The following IDE variants were observed in gnomAD, a reference collection of about 807,000 sequenced individuals.
IDE encodes the protein insulin-degrading enzyme.
In IDE, 58 loss-of-function variants were observed where a neutral mutation model predicts 133.2. The observed-to-expected ratio is 0.44, with a 90% confidence interval of 0.35 to 0.54. IDE has a LOEUF of 0.54. IDE is among the 20% of genes least tolerant of loss of function. The pLI is 0.00. For missense variants in IDE, 981 were observed against 1,234.0 expected (o/e 0.79, Z 3.07); for synonymous variants, 396 against 421.3 (o/e 0.94, Z 0.73).
At chr10:92,468,368 C>G (rs1253426122) in intron 19 of IDE, among the ~76,000 whole-genome samples, 1 of 152,080 alleles carries the variant, frequency 6.6e-6, no homozygotes, top group African/African-American at 2.4e-5. Flanking sequence ...TCAGAAGAAG[C>G]CACTGTTAAT....
Position 92,464,248 on chromosome 10 carries a change from T to G in IDE, c.2489-245A>C, listed in dbSNP as rs1459852080. Among the ~76,000 whole-genome samples, 826 of 152,330 alleles carry G rather than the reference T, an allele frequency of 5.4e-3. 14 individuals carry two copies. Among genetic ancestry groups the G allele is most frequent in the East Asian group, 0.035 (182 of 5,190 alleles). ...TTCTTAGGAAAAAAATCCTATTCAT[T>G]ATTCAAACTCCCATCTTGTCACTCC... On this transcript the variant is annotated intron_variant, in intron 20 of 24. Coordinates refer to ENST00000265986, the MANE Select transcript of IDE (RefSeq NM_004969.4).
chr10:92,555,979 C>T (rs575045807), intron 1 of IDE, among the ~76,000 whole-genome samples: 2 of 151,762 alleles, frequency 1.3e-5, no homozygotes, highest in Admixed American at 1.3e-4. Context: ...CGAGACCATC[C>T]TGGCTAACAA....
At chr10:92,552,228 TA>T (rs1842817592) in intron 1 of IDE, among the ~76,000 whole-genome samples, 1 of 152,280 alleles carries the variant, frequency 6.6e-6, no homozygotes, top group Non-Finnish European at 1.5e-5. Flanking sequence ...TGACCTATTT[TA>T]AAAATGTTTC....
At position 92,455,565 on chromosome 10, in the gene IDE, A is replaced by T; in HGVS notation, c.2964+11T>A. On this transcript the variant is annotated intron_variant, in intron 24 of 24. Coordinates refer to ENST00000265986, the MANE Select transcript of IDE (RefSeq NM_004969.4). ...TGTCAGTACAATCTAACATAACGTT[A>T]TATTTCTTACTTGTGGCAAGGCTGG... 1 of 1,518,816 alleles carries T rather than the reference A, an allele frequency of 6.6e-7. No individual in the cohort carries two copies. Among genetic ancestry groups the T allele is most frequent in the Non-Finnish European group, 9.1e-7 (1 of 1,094,190 alleles). The allele number at this position is 1,518,816 out of a possible 1,614,324, so 94.1% of individuals were successfully genotyped here. A position where few individuals can be genotyped will look rare whatever the true frequency, so the allele number is the denominator to read the frequency against.
intron 12 of IDE, among the ~76,000 whole-genome samples, chr10:92,488,430 C>T (rs1847134487): frequency 1.3e-5 from 2 of 152,110 alleles, no homozygotes; most frequent in Non-Finnish European, 2.9e-5. Flanking sequence ...CCACACCTCT[C>T]CCAGATGATC....
intron 13 of IDE, 72 bp downstream of exon 13, chr10:92,487,124 A>C (rs1847043197): frequency 2.1e-6 from 3 of 1,436,684 alleles, no homozygotes; most frequent in Non-Finnish European, 2.8e-6. Context: ...CAAATGTAAG[A>C]AATCATTTAC....
At chr10:92,555,392 G>C (rs1247036321) in intron 1 of IDE, among the ~76,000 whole-genome samples, 2 of 151,160 alleles carry the variant, frequency 1.3e-5, no homozygotes, top group Non-Finnish European at 2.9e-5. Flanking sequence ...AGCTACTTGG[G>C]AAACTGAGGC....
rs1203518237 is a variant in IDE, at chr10:92,508,074, A to T, written c.1153+39T>A. 2.8e-6 allele frequency: 4 copies of T among 1,441,650 alleles called. No individual in the cohort carries two copies. In the East Asian group the frequency reaches 6.8e-5, roughly 25 times the overall value. 89.3% of individuals were successfully genotyped at this position (1,441,650 alleles called of 1,614,324 possible). A position where few individuals can be genotyped will look rare whatever the true frequency, so the allele number is the denominator to read the frequency against. Reference sequence around the variant, plus strand: ...AAGTTAAAAAACATCATAGAAAGTAAATTTTCATTCAAAAGTAAAAAGGTG... The same window carrying T: ...AAGTTAAAAAACATCATAGAAAGTATATTTTCATTCAAAAGTAAAAAGGTG... On this transcript the variant is annotated intron_variant, in intron 8 of 24. Coordinates refer to ENST00000265986, the MANE Select transcript of IDE (RefSeq NM_004969.4).
chr10:92,511,586 AC>A (rs1276893646), intron 5 of IDE, among the ~76,000 whole-genome samples: 3 of 152,190 alleles, frequency 2.0e-5, no homozygotes, highest in Non-Finnish European at 4.4e-5. Flanking sequence ...TCTCGAGAGT[AC>A]TAAATGACTA....
At chr10:92,470,804 C>T (rs1845926644) in intron 17 of IDE, among the ~76,000 whole-genome samples, 1 of 152,174 alleles carries the variant, frequency 6.6e-6, no homozygotes. Flanking sequence ...AAGAATACCA[C>T]AAAGGTAATG....
intron 21 of IDE, among the ~76,000 whole-genome samples, chr10:92,462,756 T>C (rs529877896): frequency 6.6e-6 from 1 of 152,334 alleles, no homozygotes; most frequent in Admixed American, 6.5e-5. Flanking sequence ...AGTTTCCTCA[T>C]CTGGAAATTG....
intron 18 of IDE, 91 bp downstream of exon 18, chr10:92,470,163 C>T: frequency 1.2e-6 from 1 of 855,184 alleles, no homozygotes; most frequent in African/African-American, 1.7e-5. Context: ...TTCCTTATCA[C>T]ACCATGCTGG....
intron 1 of IDE, among the ~76,000 whole-genome samples, chr10:92,540,563 T>C (rs1378591494): frequency 1.3e-5 from 2 of 152,018 alleles, no homozygotes; most frequent in African/African-American, 2.4e-5. Flanking sequence ...AGAAAAGAGG[T>C]TGGTCTTCTG....
chr10:92,469,716 G>A (rs1374997173), intron 18 of IDE, among the ~76,000 whole-genome samples: 2 of 152,282 alleles, frequency 1.3e-5, no homozygotes, highest in South Asian at 2.1e-4. Flanking sequence ...GCACCCGGCC[G>A]AGACTGAGGG....
chr10:92,467,508 C>T (rs999610132), intron 19 of IDE, among the ~76,000 whole-genome samples: 1 of 152,174 alleles, frequency 6.6e-6, no homozygotes, highest in Admixed American at 6.5e-5. Context: ...GAGATGTGAA[C>T]TGGGCTATTT....
At chr10:92,533,117 G>C (rs1013341305) in intron 3 of IDE, among the ~76,000 whole-genome samples, 5 of 152,080 alleles carry the variant, frequency 3.3e-5, no homozygotes, top group Non-Finnish European at 7.4e-5. Flanking sequence ...CCCAGATAAA[G>C]GATCATGTTA....
At position 92,514,819 on chromosome 10, in the gene IDE, A is replaced by G. The variant is rs537992659; in HGVS notation, c.784+101T>C. ...GATCATTTTCAAAAGATGCTGAGCA[A>G]ATAAGCAGCTCTATCTTATATCCAT... On this transcript the variant is annotated intron_variant, in intron 5 of 24. Coordinates refer to ENST00000265986, the MANE Select transcript of IDE (RefSeq NM_004969.4). 1.2e-5 allele frequency: 11 copies of G among 881,088 alleles called. No homozygotes were observed. In the East Asian group the frequency reaches 2.8e-4, roughly 23 times the overall value. The allele number at this position is 881,088 out of a possible 1,614,324, so 54.6% of individuals were successfully genotyped here. A position where few individuals can be genotyped will look rare whatever the true frequency, so the allele number is the denominator to read the frequency against.
intron 11 of IDE, among the ~76,000 whole-genome samples, chr10:92,495,975 A>G (rs937526134): frequency 6.6e-6 from 1 of 151,996 alleles, no homozygotes; most frequent in Non-Finnish European, 1.5e-5. Flanking sequence ...CCTGGGTTCA[A>G]GCGATTTCCA....
At chr10:92,519,970 G>A (rs933610980) in intron 4 of IDE, among the ~76,000 whole-genome samples, 1 of 152,116 alleles carries the variant, frequency 6.6e-6, no homozygotes, top group African/African-American at 2.4e-5. Flanking sequence ...CAGGCATGGT[G>A]GTGGTCACCT....
Sources: gnomAD v4.1 joint callset for allele counts (sites outside exome capture counted in the v4.1 genomes callset) on GRCh38, gnomAD v4.1.1 for gene constraint, MANE v1.5 for transcripts, NCBI Gene and HGNC (gene_info 2026-07-23, HGNC 2026-07-21) for gene names.